G3BP2: variants seen among roughly 807,000 people sequenced by gnomAD.
G3BP2 encodes ras GTPase-activating protein-binding protein 2.
A neutral mutation model predicts 56.7 loss-of-function variants in G3BP2; 11 were observed. The ratio of observed to expected loss-of-function variants is 0.19; its 90% CI spans 0.12 to 0.32. The LOEUF is 0.32. Ranked by LOEUF, G3BP2 falls within the 10% of genes least tolerant of loss-of-function variation. The pLI is 1.00. For synonymous variants in G3BP2, 165 were observed against 191.6 expected (o/e 0.86, Z 1.15); for missense variants, 340 against 610.9 (o/e 0.56, Z 4.67).
rs1200579579 is a variant in G3BP2, at chr4:75,702,284, C to T, written c.-25+18593G>A. Among the ~76,000 whole-genome samples the T allele has an allele frequency of 8.0e-5, 12 of 149,332 alleles. No homozygotes were observed. In the South Asian group the frequency reaches 1.3e-3, roughly 16 times the overall value. On this transcript the variant is annotated intron_variant, in intron 3 of 3. Coordinates refer to the G3BP2 transcript ENST00000499709. Reference sequence around the variant, plus strand: ...TCCATCTCCCAAGTAGCCGGGCTTACGGGCACATGCCATCACACCCGGCTA... The same window carrying T: ...TCCATCTCCCAAGTAGCCGGGCTTATGGGCACATGCCATCACACCCGGCTA...
intron 1 of G3BP2, among the ~76,000 whole-genome samples, chr4:75,723,830 A>G (rs1413105415): frequency 1.3e-5 from 2 of 152,122 alleles, no homozygotes; most frequent in African/African-American, 4.8e-5. Context: ...TTCCAGAAGC[A>G]TGTGTACTGA....
At chr4:75,680,421 C>T (rs1056427227) in intron 3 of G3BP2, among the ~76,000 whole-genome samples, 9 of 152,144 alleles carry the variant, frequency 5.9e-5, no homozygotes, top group African/African-American at 1.2e-4. Context: ...TTCCTCTGAC[C>T]TTGACTTTCC....
chr4:75,703,749 G>A (rs964005879), intron 3 of G3BP2, among the ~76,000 whole-genome samples: 7 of 152,162 alleles, frequency 4.6e-5, no homozygotes, highest in Non-Finnish European at 7.3e-5. Context: ...GCAGGCACCA[G>A]GATGTGGATG....
chr4:75,684,892 C>T (rs899872154), intron 3 of G3BP2, among the ~76,000 whole-genome samples: 6 of 151,176 alleles, frequency 4.0e-5, no homozygotes, highest in Admixed American at 1.3e-4. Flanking sequence ...TGCTCTTTTT[C>T]GATATATTTC....
intron 1 of G3BP2, among the ~76,000 whole-genome samples, chr4:75,665,598 G>A (rs1302829225): frequency 1.3e-5 from 2 of 150,952 alleles, no homozygotes; most frequent in East Asian, 2.0e-4. Flanking sequence ...CAGACATGGT[G>A]GTGCACACCT....
intron 3 of G3BP2, among the ~76,000 whole-genome samples, chr4:75,680,168 T>C (rs1456362898): frequency 6.6e-6 from 1 of 152,228 alleles, no homozygotes; most frequent in Non-Finnish European, 1.5e-5. Context: ...TCTATGTCTT[T>C]GGATGGCATA....
At chr4:75,709,647 T>C (rs1719683433) in intron 3 of G3BP2, among the ~76,000 whole-genome samples, 2 of 151,770 alleles carry the variant, frequency 1.3e-5, no homozygotes, top group African/African-American at 2.4e-5. Context: ...AAGGATTGAT[T>C]TGTGGTTTCA....
chr4:75,676,100 TCATAAA>T (rs1337206161), upstream of G3BP2, among the ~76,000 whole-genome samples: 1 of 152,144 alleles, frequency 6.6e-6, no homozygotes, highest in Non-Finnish European at 1.5e-5. Context: ...GATTTTTACC[TCATAAA>T]CATATCTCTA....
At chr4:75,704,297 G>A (rs6844014) in intron 3 of G3BP2, among the ~76,000 whole-genome samples, 83,615 of 151,526 alleles carry the variant, frequency 0.55, 24,151 homozygotes, top group East Asian at 0.81. Flanking sequence ...GATTACAGGC[G>A]TGAGCCCCCG....
chr4:75,647,008 A>G lies in G3BP2; in HGVS notation c.1057+21T>C, dbSNP rs1731286820. The G allele has an allele frequency of 2.7e-6, 4 of 1,506,418 alleles. 1 individual carries two copies. Among genetic ancestry groups the G allele is most frequent in the African/African-American group, 2.8e-5 (2 of 71,074 alleles). The allele number at this position is 1,506,418 out of a possible 1,614,324, so 93.3% of individuals were successfully genotyped here. A position where few individuals can be genotyped will look rare whatever the true frequency, so the allele number is the denominator to read the frequency against. On this transcript the variant is annotated intron_variant, in intron 10 of 11. Coordinates refer to ENST00000359707, the MANE Select transcript of G3BP2 (RefSeq NM_203505.3). ...AATTTAAAATAATTTAAAAACTCCAACAGCAAAATAAATCACTTACTCATG... is the reference window on the plus strand; with the variant it reads ...AATTTAAAATAATTTAAAAACTCCAGCAGCAAAATAAATCACTTACTCATG...
In G3BP2 at chr4:75,647,176, C is replaced by T. The variant is rs202217536; in HGVS notation, c.929-19G>A. 1.3e-6 allele frequency: 2 copies of T among 1,528,998 alleles called. No individual in the cohort carries two copies. Among genetic ancestry groups the T allele is most frequent in the East Asian group, 2.3e-5 (1 of 43,436 alleles). The allele number at this position is 1,528,998 out of a possible 1,614,324, so 94.7% of individuals were successfully genotyped here. A position where few individuals can be genotyped will look rare whatever the true frequency, so the allele number is the denominator to read the frequency against. ...CCTCTGCCTGAGAATAGAAATAGAG[C>T]AGATACTAAAGTTTACAATATCATA... On this transcript the variant is annotated intron_variant, in intron 9 of 11. Transcript: ENST00000359707.
At chr4:75,674,718 A>ATATATT (rs1241041465), upstream of G3BP2, among the ~76,000 whole-genome samples, 1 of 71,432 alleles carries the variant, frequency 1.4e-5, no homozygotes, top group Non-Finnish European at 2.5e-5. Flanking sequence ...ATATATATAT[A>ATATATT]TTTTTTTTTT....
At chr4:75,709,624 AAAGG>A (rs1045406627) in intron 3 of G3BP2, among the ~76,000 whole-genome samples, 107 of 152,110 alleles carry the variant, frequency 7.0e-4, no homozygotes, top group African/African-American at 2.5e-3. Flanking sequence ...AAAGAAAGAA[AAAGG>A]AAGGAAGGAA....
rs1428090549 is a variant in G3BP2, at chr4:75,653,606, AC to A, written c.825+376del. 4.6e-5 allele frequency among the ~76,000 whole-genome samples: 7 copies of A among 150,744 alleles called. No homozygotes were observed. In the South Asian group the frequency reaches 6.3e-4, roughly 13 times the overall value. ...TTTTGCTTTAAAAAAAAAAAAAAAA[AC>A]AAAAACGATTCTTTATTACGCCACA... On this transcript the variant is annotated intron_variant, in intron 8 of 11. Transcript: ENST00000359707.
At chr4:75,674,276 C>T (rs1013249050), upstream of G3BP2, among the ~76,000 whole-genome samples, 3 of 151,964 alleles carry the variant, frequency 2.0e-5, no homozygotes, top group Admixed American at 6.6e-5. Context: ...AGGAAGTGTT[C>T]AAAGAAACGG....
chr4:75,695,466 C>G (rs991369578), intron 3 of G3BP2, among the ~76,000 whole-genome samples: 2 of 152,102 alleles, frequency 1.3e-5, no homozygotes, highest in African/African-American at 4.8e-5. Context: ...CAACCTGGAC[C>G]TCCCCAGAAA....
chr4:75,705,166 G>A (rs927768089), intron 3 of G3BP2, among the ~76,000 whole-genome samples: 1 of 152,198 alleles, frequency 6.6e-6, no homozygotes, highest in Non-Finnish European at 1.5e-5. Flanking sequence ...CATGCCCAGA[G>A]GGGATAATCT....
At chr4:75,681,279 G>A (rs62318482) in intron 3 of G3BP2, among the ~76,000 whole-genome samples, 35,683 of 151,738 alleles carry the variant, frequency 0.24, 4,402 homozygotes, top group Middle Eastern at 0.37. Flanking sequence ...AGCCGAGATC[G>A]TGCCACTGCA....
At chr4:75,715,093 C>T (rs1200699804) in intron 3 of G3BP2, among the ~76,000 whole-genome samples, 1 of 152,186 alleles carries the variant, frequency 6.6e-6, no homozygotes, top group African/African-American at 2.4e-5. Flanking sequence ...CTTTTCTGGT[C>T]TGTATCATGC....
Sources: gnomAD v4.1 joint callset for allele counts (sites outside exome capture counted in the v4.1 genomes callset) on GRCh38, gnomAD v4.1.1 for gene constraint, MANE v1.5 for transcripts, NCBI Gene and HGNC (gene_info 2026-07-23, HGNC 2026-07-21) for gene names.